The following GLG1 variants were observed in gnomAD, a reference collection of about 807,000 sequenced individuals.
GLG1 encodes Golgi apparatus protein 1.
GLG1 carries 38 observed loss-of-function variants against 160.5 expected under a neutral mutation model. The ratio of observed to expected loss-of-function variants is 0.24; its 90% CI spans 0.18 to 0.31. The LOEUF (loss-of-function observed/expected upper bound fraction) is 0.31. GLG1 is among the 10% of genes least tolerant of loss of function. The probability of loss-of-function intolerance (pLI) is 1.00; values close to 1 mark genes in which losing one functional copy is unlikely to be tolerated. For synonymous variants in GLG1, 644 were observed against 543.4 expected (o/e 1.19, Z -2.57); for missense variants, 1,373 against 1,505.2 (o/e 0.91, Z 1.45).
chr16:74,459,908 T>C, intron 22 of GLG1, 119 bp from the exon 23 acceptor site: 1 of 556,290 alleles, frequency 1.8e-6, no homozygotes. Flanking sequence ...CAGGCTGCAG[T>C]GCAGTGGTGC....
rs765956529 is a variant in GLG1 at position 74,465,678 on chromosome 16, T to G, written c.2665A>C (p.Lys889Gln). 1 of 1,613,868 alleles carries G rather than the reference T, an allele frequency of 6.2e-7. No homozygotes were observed. Among genetic ancestry groups the G allele is most frequent in the Non-Finnish European group, 8.5e-7 (1 of 1,179,938 alleles). ...GGCCTTTGGTGTCGGCTTCTCACCT[T>G]TATCATCTGCTTGCAGACCCTCATG... ...TLMRVCKQMI[K>Q]RFCPEADSKT... Residue 889 changes from lysine (K) to glutamine (Q), a missense_variant and splice_region_variant, in exon 19 of 26, where the codon AAG becomes CAG. Around this residue, in one of 4 missense-constraint regions of GLG1, gnomAD observed 491 missense variants for 632.1 expected, o/e 0.78. Coordinates refer to ENST00000422840, the MANE Select transcript of GLG1 (RefSeq NM_001145667.2).
chr16:74,476,427 G>A (rs996109993), intron 12 of GLG1, among the ~76,000 whole-genome samples: 3 of 152,164 alleles, frequency 2.0e-5, no homozygotes, highest in African/African-American at 7.2e-5. Context: ...ATAGTCCTAT[G>A]CTCAACAGAC....
In GLG1 at chr16:74,452,332, G is replaced by A. The variant is rs1050253734; in HGVS notation, c.*835C>T. 12 of 1,392,890 alleles carry A rather than the reference G, an allele frequency of 8.6e-6. No individual in the cohort carries two copies. The highest frequency in any genetic ancestry group is 7.7e-5 in the South Asian group (5 of 64,656). The allele number at this position is 1,392,890 out of a possible 1,614,324, so 86.3% of individuals were successfully genotyped here. On this transcript the variant is annotated 3_prime_UTR_variant, in exon 26 of 26. Coordinates refer to ENST00000422840, the MANE Select transcript of GLG1 (RefSeq NM_001145667.2). ...TGCCCTGGAGGAGGAAGGTTCCTGGGATCCTGCTGCCCCGGGACTCAGGAT... is the reference window on the plus strand; with the variant it reads ...TGCCCTGGAGGAGGAAGGTTCCTGGAATCCTGCTGCCCCGGGACTCAGGAT...
intron 1 of GLG1, among the ~76,000 whole-genome samples, chr16:74,571,114 T>C (rs559244796): frequency 2.0e-5 from 3 of 152,138 alleles, no homozygotes; most frequent in Non-Finnish European, 2.9e-5. Context: ...TATTGATTTT[T>C]GGACCCAGCC....
In GLG1 at chr16:74,529,809, G is replaced by GTTTTTT. The variant is rs201693911; in HGVS notation, c.471+2311_471+2312insAAAAAA. Among the ~76,000 whole-genome samples, 493 of 104,048 alleles carry GTTTTTT rather than the reference G, an allele frequency of 4.7e-3. 53 individuals are homozygous for GTTTTTT. Among genetic ancestry groups the GTTTTTT allele is most frequent in the Middle Eastern group, 0.019 (3 of 158 alleles). 68.3% of individuals were successfully genotyped at this position (104,048 alleles called of 152,430 possible). ...CTTCCTATTCCTTGGCTCTTTGAGAGTTCTTTTTTTTTTTTTTTTTTTTTT... is the reference window on the plus strand; with the variant it reads ...CTTCCTATTCCTTGGCTCTTTGAGAGTTTTTTTTCTTTTTTTTTTTTTTTTTTTTTT... On this transcript the variant is annotated intron_variant, in intron 2 of 25. Coordinates refer to ENST00000422840, the MANE Select transcript of GLG1 (RefSeq NM_001145667.2).
chr16:74,482,924 A>G, intron 10 of GLG1, 99 bp downstream of exon 10: 1 of 750,634 alleles, frequency 1.3e-6, no homozygotes, highest in East Asian at 2.5e-5. Context: ...ACTGAACAAA[A>G]AGAGTTTCCT....
Position 74,447,511 on chromosome 16 carries a change from TATCTC to T in GLG1, c.*5651_*5655del, listed in dbSNP as rs2143067971. ...AAAAATGCACATTATGTTCAGAACA[TATCTC>T]AGTAACATCTCAAAATTACACAGCA... On this transcript the variant is annotated 3_prime_UTR_variant, in exon 26 of 26. Coordinates refer to ENST00000422840, the MANE Select transcript of GLG1 (RefSeq NM_001145667.2). 1 of 152,276 alleles carries T rather than the reference TATCTC, an allele frequency of 6.6e-6. No homozygotes were observed. Among genetic ancestry groups the T allele is most frequent in the South Asian group, 2.1e-4 (1 of 4,826 alleles). 9.4% of individuals were successfully genotyped at this position (152,276 alleles called of 1,614,324 possible).
At position 74,453,130 on chromosome 16, in the gene GLG1, C is replaced by A; in HGVS notation, c.*37G>T. 1 of 1,604,408 alleles carries A rather than the reference C, an allele frequency of 6.2e-7. No homozygotes were observed. Among genetic ancestry groups the A allele is most frequent in the Middle Eastern group, 1.7e-4 (1 of 5,944 alleles). ...ATACAAGAGGGCTGTACAAACTGGG[C>A]ACTGGATAGGTAGTTCCTTTGGTGG... On this transcript the variant is annotated 3_prime_UTR_variant, in exon 26 of 26. Transcript: ENST00000422840.
chr16:74,564,746 T>C (rs8058692), intron 1 of GLG1, among the ~76,000 whole-genome samples: 111,476 of 152,154 alleles, frequency 0.73, 41,300 homozygotes, highest in African/African-American at 0.84. Flanking sequence ...TAGGCATCAA[T>C]AGGCTAGACC....
Position 74,522,487 on chromosome 16 carries a change from TTG to T in GLG1, c.471+9632_471+9633del, listed in dbSNP as rs376993248. Among the ~76,000 whole-genome samples the T allele has an allele frequency of 2.6e-4, 40 of 152,340 alleles. No individual in the cohort carries two copies. The East Asian group carries it at 5.2e-3, about 20-fold the overall frequency. On this transcript the variant is annotated intron_variant, in intron 2 of 25. Transcript: ENST00000422840. Reference sequence around the variant, plus strand: ...CTAAGCGAAGTTAAGCACCTTTTCATTGTTTTTAGTTCATTCAGACGTCATCT... The same window carrying T: ...CTAAGCGAAGTTAAGCACCTTTTCATTTTTTAGTTCATTCAGACGTCATCT...
chr16:74,563,380 C>T (rs1264794511), intron 1 of GLG1: 1 of 152,184 alleles, frequency 6.6e-6, no homozygotes, highest in Admixed American at 6.5e-5. Context: ...GAATGGCCTT[C>T]ATTGTTAGGT....
intron 8 of GLG1, 66 bp from the exon 9 acceptor site, chr16:74,485,983 T>C: frequency 5.5e-6 from 7 of 1,282,274 alleles, no homozygotes; most frequent in East Asian, 2.3e-5. Context: ...AGCAGTGTCT[T>C]CATACATTCA....
chr16:74,588,803 A>G (rs1292151230), intron 1 of GLG1, among the ~76,000 whole-genome samples: 2 of 152,198 alleles, frequency 1.3e-5, no homozygotes, highest in South Asian at 2.1e-4. Context: ...CATATCTGTC[A>G]TATCTACCAC....
At chr16:74,579,677 G>C (rs35148538) in intron 1 of GLG1, among the ~76,000 whole-genome samples, 20,275 of 150,236 alleles carry the variant, frequency 0.13, 1,657 homozygotes, top group Middle Eastern at 0.21. Context: ...AGCTGAGATT[G>C]GGCCACTGCA....
chr16:74,596,026 G>C (rs1446621939), intron 1 of GLG1, among the ~76,000 whole-genome samples: 1 of 152,138 alleles, frequency 6.6e-6, no homozygotes, highest in Non-Finnish European at 1.5e-5. Context: ...GGGAGGCTGA[G>C]GCAGGAGAAT....
At chr16:74,555,505 A>G (rs1009518225) in intron 1 of GLG1, among the ~76,000 whole-genome samples, 6 of 152,072 alleles carry the variant, frequency 3.9e-5, no homozygotes, top group African/African-American at 1.4e-4. Context: ...TGGGCAACAC[A>G]GAGAGACCTC....
intron 1 of GLG1, among the ~76,000 whole-genome samples, chr16:74,563,583 G>A (rs529532993): frequency 3.9e-4 from 59 of 152,002 alleles, no homozygotes; most frequent in Non-Finnish European, 6.0e-4. Flanking sequence ...AAAAATTAGC[G>A]GGGCGTGGTG....
Position 74,453,032 on chromosome 16 carries a change from C to G in GLG1, c.*135G>C. The G allele has an allele frequency of 6.8e-7, 1 of 1,471,252 alleles. No homozygotes were observed. The highest frequency in any genetic ancestry group is 9.0e-7 in the Non-Finnish European group (1 of 1,110,970). The allele number at this position is 1,471,252 out of a possible 1,614,324, so 91.1% of individuals were successfully genotyped here. On this transcript the variant is annotated 3_prime_UTR_variant, in exon 26 of 26. Coordinates refer to ENST00000422840, the MANE Select transcript of GLG1 (RefSeq NM_001145667.2). The stretch of plus-strand genomic sequence containing the variant: ...CGAGTGGAGGCTGGATGGGACAACG[C>G]AGTGGACATCTGCTAATGCTCTAAC...
intron 1 of GLG1, among the ~76,000 whole-genome samples, chr16:74,575,023 C>G (rs866009553): frequency 1.7e-3 from 22 of 13,116 alleles, no homozygotes; most frequent in Admixed American, 2.6e-3. Context: ...GGGGGGGGGG[C>G]GGATCACGAG....
Sources: gnomAD v4.1 joint callset for allele counts (sites outside exome capture counted in the v4.1 genomes callset) on GRCh38, gnomAD v4.1.1 for gene constraint, gnomAD v4.1.1 regional missense constraint, MANE v1.5 for transcripts, NCBI Gene and HGNC (gene_info 2026-07-23, HGNC 2026-07-21) for gene names.